The following NPHP4 variants were observed in gnomAD, a reference collection of about 807,000 sequenced individuals.
The protein encoded by NPHP4 is nephrocystin-4.
In NPHP4, 151 loss-of-function variants were observed where a neutral mutation model predicts 155.8. The ratio of observed to expected loss-of-function variants is 0.97; its 90% CI spans 0.85 to 1.11. The LOEUF is 1.11. Among genes scored for constraint, NPHP4 ranks in the 50% least tolerant of loss-of-function variants. NPHP4 has a pLI of 0.00. For synonymous variants in NPHP4, 845 were observed against 816.8 expected (o/e 1.03, Z -0.59); for missense variants, 1,956 against 1,925.7 (o/e 1.02, Z -0.29).
At chr1:5,887,503 G>C (rs376062565) in intron 17 of NPHP4, 37 bp from the exon 18 acceptor site, 11 of 1,603,770 alleles carry the variant, frequency 6.9e-6, no homozygotes, top group Non-Finnish European at 9.4e-6. Flanking sequence ...GGCTGGAGCC[G>C]GCCCTGGGCT....
chr1:5,987,212 T>A (rs1294734795), intron 1 of NPHP4, among the ~76,000 whole-genome samples: 4 of 152,130 alleles, frequency 2.6e-5, no homozygotes, highest in Admixed American at 2.0e-4. Context: ...TATCTGATCC[T>A]GTCCAGCCAG....
rs370541454 is a variant in NPHP4 at position 5,944,874 on chromosome 1, G to A, written c.1119+2230C>T. On this transcript the variant is annotated intron_variant, in intron 9 of 29. Transcript: ENST00000378156. The surrounding 1 kb of genome is among the most constrained non-coding windows in gnomAD (Gnocchi z 4.3). ...AGTCCCAGCTACTCAGGAGACTGAG[G>A]CAGGAGAGTCACTTGAACCCAGGAG... Among the ~76,000 whole-genome samples the A allele has an allele frequency of 1.1e-4, 16 of 152,272 alleles. No homozygotes were observed. The East Asian group carries it at 2.5e-3, about 24-fold the overall frequency.
At chr1:5,964,939 A>ATTT (rs1232148646) in intron 5 of NPHP4, among the ~76,000 whole-genome samples, 2 of 62,706 alleles carry the variant, frequency 3.2e-5, no homozygotes, top group Admixed American at 2.1e-4. Flanking sequence ...ATATATATAT[A>ATTT]TATTTTTTTT....
intron 5 of NPHP4, among the ~76,000 whole-genome samples, chr1:5,964,585 G>A (rs1223337721): frequency 4.6e-5 from 7 of 152,050 alleles, no homozygotes; most frequent in Admixed American, 2.6e-4. Flanking sequence ...CCACCCTCCC[G>A]GCCTGTACCC....
At chr1:5,871,788 G>A (rs568769622) in intron 23 of NPHP4, among the ~76,000 whole-genome samples, 3 of 152,330 alleles carry the variant, frequency 2.0e-5, no homozygotes, top group South Asian at 2.1e-4. Flanking sequence ...TGATCCAAAC[G>A]CACCAGTGGT....
chr1:5,939,415 C>T (rs1403145405), intron 9 of NPHP4, among the ~76,000 whole-genome samples: 1 of 152,022 alleles, frequency 6.6e-6, no homozygotes, highest in African/African-American at 2.4e-5. Flanking sequence ...AAGCTCTCCG[C>T]CCTCTGGAGC....
chr1:5,977,990 C>T (rs1653991751), intron 3 of NPHP4, among the ~76,000 whole-genome samples: 1 of 149,950 alleles, frequency 6.7e-6, no homozygotes, highest in Admixed American at 6.7e-5. Context: ...CCCAAGAACT[C>T]CAAGATTCCT....
chr1:5,957,175 C>A (rs963715921), intron 6 of NPHP4, among the ~76,000 whole-genome samples: 2 of 152,142 alleles, frequency 1.3e-5, no homozygotes, highest in Non-Finnish European at 2.9e-5. Flanking sequence ...AAGTCTCTGG[C>A]TAGGAAAGGA....
intron 2 of NPHP4, among the ~76,000 whole-genome samples, chr1:5,979,968 C>T (rs1654383923): frequency 6.6e-6 from 1 of 152,150 alleles, no homozygotes; most frequent in East Asian, 1.9e-4. Flanking sequence ...CCAGAGACCA[C>T]ATGCCCCACT....
chr1:5,986,188 G>A lies in NPHP4; in HGVS notation c.102C>T (p.Val34=). ...PWKESTAFQC[V]LKWLDGPVIR... ...TTACCGGTCCGTCCAGCCACTTGAG[G>A]ACACACTGGAATGCCGTGGATTCCT... Residue 34 remains valine (V), a synonymous_variant, in exon 2 of 30, where the codon GTC becomes GTT. Coordinates refer to ENST00000378156, the MANE Select transcript of NPHP4 (RefSeq NM_015102.5). The A allele has an allele frequency of 6.2e-7, 1 of 1,613,912 alleles. No individual in the cohort carries two copies. Among genetic ancestry groups the A allele is most frequent in the Non-Finnish European group, 8.5e-7 (1 of 1,179,878 alleles).
At chr1:5,891,261 A>C (rs560798802) in intron 16 of NPHP4, among the ~76,000 whole-genome samples, 1 of 152,352 alleles carries the variant, frequency 6.6e-6, no homozygotes, top group Admixed American at 6.5e-5. Context: ...TCCCAAAATA[A>C]GATTTATGGT....
At position 5,877,220 on chromosome 1, in the gene NPHP4, T is replaced by A; in HGVS notation, c.2690A>T (p.Gln897Leu). 4.4e-6 allele frequency: 7 copies of A among 1,607,892 alleles called. No individual in the cohort carries two copies. The highest frequency in any genetic ancestry group is 1.3e-5 in the African/African-American group (1 of 74,994). The stretch of plus-strand genomic sequence containing the variant: ...GCTGACGTCCTGGGGCCCCTTGCCC[T>A]GCCGGGCATGGGTCAGTAGCATGGC... ...LAAMLLTHAR[Q>L]GKGPQDVSRE... Residue 897 changes from glutamine (Q) to leucine (L), a missense_variant, in exon 20 of 30, where the codon CAG (glutamine) becomes CTG (leucine). By Grantham distance (113) the Gln-to-Leu change is moderately radical. Transcript: ENST00000378156.
intron 2 of NPHP4, 49 bp downstream of exon 2, chr1:5,986,106 T>C: frequency 1.9e-6 from 3 of 1,606,336 alleles, no homozygotes; most frequent in Non-Finnish European, 2.6e-6. Flanking sequence ...GGAAGCCTCA[T>C]GTCAGCTAAG....
At chr1:5,884,464 G>A (rs908677621) in intron 18 of NPHP4, among the ~76,000 whole-genome samples, 1 of 150,928 alleles carries the variant, frequency 6.6e-6, no homozygotes, top group African/African-American at 2.4e-5. Flanking sequence ...CAAGATCACT[G>A]CCCAAGCTCC....
intron 12 of NPHP4, 22 bp from the exon 13 acceptor site, chr1:5,907,244 G>T (rs1464960293): frequency 2.0e-6 from 3 of 1,482,812 alleles, no homozygotes; most frequent in Non-Finnish European, 2.8e-6. Context: ...GAGAGCACAG[G>T]TGAGGGGCTC....
chr1:5,923,188 C>T (rs906018172), intron 11 of NPHP4, among the ~76,000 whole-genome samples: 1 of 152,144 alleles, frequency 6.6e-6, no homozygotes, highest in Admixed American at 6.5e-5. Context: ...TGATCGGCCC[C>T]GGTGGGGATG....
chr1:5,894,486 A>G (rs1644297612), intron 16 of NPHP4, among the ~76,000 whole-genome samples: 1 of 152,096 alleles, frequency 6.6e-6, no homozygotes, highest in Non-Finnish European at 1.5e-5. Context: ...TTAAGAAACA[A>G]ATTTGCAACT....
rs767008819 is a variant in NPHP4 at position 5,882,117 on chromosome 1, G to A, written c.2486-1878C>T. On this transcript the variant is annotated intron_variant, in intron 18 of 29. Transcript: ENST00000378156. This position sits in a 1 kb window ranked among gnomAD's most constrained non-coding sequence, Gnocchi z 5.1. ...CGTCACTGCGAAGGATGGGAAGGCT[G>A]GCTGCCTCCTCCCACGCCCTAGGTG... The A allele has an allele frequency of 6.6e-5, 10 of 152,416 alleles. No individual in the cohort carries two copies. The highest frequency in any genetic ancestry group is 1.3e-4 in the Admixed American group (2 of 15,302). The allele number at this position is 152,416 out of a possible 1,614,324, so 9.4% of individuals were successfully genotyped here.
At chr1:5,992,024 C>A (rs1338410823) in intron 1 of NPHP4, among the ~76,000 whole-genome samples, 1 of 151,400 alleles carries the variant, frequency 6.6e-6, no homozygotes, top group African/African-American at 2.4e-5. Flanking sequence ...CCCAAGTGTC[C>A]CGACGAGGGG....
Sources: gnomAD v4.1 joint callset for allele counts (sites outside exome capture counted in the v4.1 genomes callset) on GRCh38, gnomAD v4.1.1 for gene constraint, Gnocchi (gnomAD v3.1) non-coding constraint, MANE v1.5 for transcripts, NCBI Gene and HGNC (gene_info 2026-07-23, HGNC 2026-07-21) for gene names.